CTNNA1: variants seen among roughly 807,000 people sequenced by gnomAD.
The protein encoded by CTNNA1 is catenin alpha-1.
Under a neutral mutation model 98.4 loss-of-function variants are expected in CTNNA1, and 37 were observed. The ratio of observed to expected loss-of-function variants is 0.38; its 90% confidence interval spans 0.29 to 0.49. CTNNA1 has a LOEUF of 0.49. CTNNA1 is among the 20% of genes least tolerant of loss of function. The pLI, the probability that CTNNA1 is intolerant of heterozygous loss-of-function variation, is 0.95. For missense variants in CTNNA1, 761 were observed against 1,147.2 expected, an observed-to-expected ratio of 0.66 and a Z score of 4.86; for synonymous variants, 404 against 413.2, an observed-to-expected ratio of 0.98 and a Z score of 0.27.
Position 138,833,772 on chromosome 5 carries a change from T to C in CTNNA1, c.1062+6054T>C, listed in dbSNP as rs1319504694. 2.0e-5 allele frequency among the ~76,000 whole-genome samples: 3 copies of C among 152,210 alleles called. No homozygotes were observed. In the East Asian group the frequency reaches 5.8e-4, roughly 29 times the overall value. Reference sequence around the variant, plus strand: ...ATTATAACTTGTATTCTTTTAATACTTAAAACTGTAGTTTTAGATAGAAGA... The same window carrying C: ...ATTATAACTTGTATTCTTTTAATACCTAAAACTGTAGTTTTAGATAGAAGA... On this transcript the variant is annotated intron_variant, in intron 7 of 17. Transcript: ENST00000302763.
chr5:138,902,354 G>A (rs10062552), intron 9 of CTNNA1, among the ~76,000 whole-genome samples: 48,643 of 152,146 alleles, frequency 0.32, 8,044 homozygotes, highest in African/African-American at 0.41. Flanking sequence ...CCTGGATCCA[G>A]CATTCAAGTG....
At chr5:138,893,507 C>T (rs868082871) in intron 9 of CTNNA1, among the ~76,000 whole-genome samples, 4 of 151,686 alleles carry the variant, frequency 2.6e-5, no homozygotes, top group Non-Finnish European at 4.4e-5. Flanking sequence ...TATTGGCTGC[C>T]CCCTTCCATT....
intron 7 of CTNNA1, among the ~76,000 whole-genome samples, chr5:138,861,355 C>T (rs758523930): frequency 1.3e-5 from 2 of 152,116 alleles, no homozygotes; most frequent in Non-Finnish European, 2.9e-5. Context: ...GCCACATGGG[C>T]GATCCTTACA....
At chr5:138,767,452 A>G (rs572477010) in intron 1 of CTNNA1, among the ~76,000 whole-genome samples, 3 of 152,296 alleles carry the variant, frequency 2.0e-5, no homozygotes, top group African/African-American at 7.2e-5. Flanking sequence ...TGTCCTTCAC[A>G]ACCTGAAACA....
intron 7 of CTNNA1, among the ~76,000 whole-genome samples, chr5:138,852,865 G>GCGCGCACGCGCACACACACACGCA (rs1326157274): frequency 6.6e-6 from 1 of 151,586 alleles, no homozygotes; most frequent in Non-Finnish European, 1.5e-5. Context: ...CTTTTCGCGC[G>GCGCGCACGCGCACACACACACGCA]CGCGCGCACA....
chr5:138,852,869 G>GGA (rs1763353467), intron 7 of CTNNA1, among the ~76,000 whole-genome samples: 5 of 151,372 alleles, frequency 3.3e-5, no homozygotes, highest in East Asian at 4.0e-4. Context: ...TCGCGCGCGC[G>GGA]CGCACACACA....
At chr5:138,876,853 T>C (rs1383216465) in intron 7 of CTNNA1, among the ~76,000 whole-genome samples, 1 of 152,134 alleles carries the variant, frequency 6.6e-6, no homozygotes, top group East Asian at 1.9e-4. Context: ...GCAGTGCAGG[T>C]GTGTGGTTTG....
Position 138,771,937 on chromosome 5 carries a change from T to C in CTNNA1, c.-2-9986T>C, listed in dbSNP as rs1439714491. Among the ~76,000 whole-genome samples the C allele has an allele frequency of 2.0e-5, 3 of 151,872 alleles. No individual in the cohort carries two copies. In the East Asian group the frequency reaches 5.8e-4, roughly 29 times the overall value. On this transcript the variant is annotated intron_variant, in intron 1 of 17. Coordinates refer to ENST00000302763, the MANE Select transcript of CTNNA1 (RefSeq NM_001903.5). ...GTTAACTTTGCTGTTAAAAAAAAAATTGGCATTGAGTAGCATGGTTAAGGT... is the reference window on the plus strand; with the variant it reads ...GTTAACTTTGCTGTTAAAAAAAAAACTGGCATTGAGTAGCATGGTTAAGGT...
chr5:138,800,015 G>T (rs1421735224), intron 3 of CTNNA1, among the ~76,000 whole-genome samples: 1 of 152,072 alleles, frequency 6.6e-6, no homozygotes, highest in South Asian at 2.1e-4. Flanking sequence ...TCGTGTCTCA[G>T]CCTCTCCAGT....
chr5:138,787,752 T>C (rs1177677561), intron 3 of CTNNA1, among the ~76,000 whole-genome samples: 1 of 152,248 alleles, frequency 6.6e-6, no homozygotes, highest in Non-Finnish European at 1.5e-5. Context: ...GTACACAGTT[T>C]TTGATGTGTA....
chr5:138,921,341 G>T (rs1762876757), intron 11 of CTNNA1, among the ~76,000 whole-genome samples: 7 of 152,000 alleles, frequency 4.6e-5, no homozygotes, highest in Admixed American at 4.6e-4. Context: ...AGCTCTAATT[G>T]GGTTTATTAA....
intron 11 of CTNNA1, among the ~76,000 whole-genome samples, chr5:138,922,678 T>C (rs1763161523): frequency 1.3e-5 from 2 of 152,160 alleles, no homozygotes; most frequent in African/African-American, 4.8e-5. Flanking sequence ...TCCCCCTCTG[T>C]TGAACAGTGG....
rs72788880 is a variant in CTNNA1, at chr5:138,922,181, A to T, written c.1547-2329A>T. Among the ~76,000 whole-genome samples the T allele has an allele frequency of 7.9e-3, 1,196 of 152,284 alleles. 10 individuals are homozygous for T. Among genetic ancestry groups the T allele is most frequent in the Non-Finnish European group, 0.013 (870 of 68,012 alleles). On this transcript the variant is annotated intron_variant, in intron 11 of 17. Transcript: ENST00000302763. ...CATGGTTCCTGGGGGGCAATTAGGT[A>T]CCATACTTCTACTTTAAACATATAT... is the stretch of plus-strand genomic sequence containing the variant.
chr5:138,888,724 A>G (rs959734610), intron 9 of CTNNA1, among the ~76,000 whole-genome samples: 1 of 140,774 alleles, frequency 7.1e-6, no homozygotes, highest in African/African-American at 2.6e-5. Flanking sequence ...ATTTTTTTGT[A>G]TTTTTTTTTT....
At chr5:138,914,135 T>A (rs1761253623) in intron 10 of CTNNA1, among the ~76,000 whole-genome samples, 2 of 152,218 alleles carry the variant, frequency 1.3e-5, no homozygotes, top group Admixed American at 6.5e-5. Context: ...TTAGGCAAGG[T>A]GCTTCCCCTC....
chr5:138,778,933 C>T (rs1263310757), intron 1 of CTNNA1, among the ~76,000 whole-genome samples: 2 of 152,110 alleles, frequency 1.3e-5, no homozygotes, highest in East Asian at 3.9e-4. Flanking sequence ...GGCTGGAGTG[C>T]AGTGGCATGA....
rs751967797 is a variant in CTNNA1, at chr5:138,824,651, A to G, written c.710A>G (p.Tyr237Cys). Reference sequence around the variant, plus strand: ...CTACAGCACCCTGATGTCGCAGCCTATAAGGCCAACAGGGACCTGATATAC... The same window carrying G: ...CTACAGCACCCTGATGTCGCAGCCTGTAAGGCCAACAGGGACCTGATATAC... Reference protein sequence around the residue: ...ACLQHPDVAAYKANRDLIYKQ... With the variant: ...ACLQHPDVAACKANRDLIYKQ... The change falls in exon 6 of 18, where the codon TAT (tyrosine) becomes TGT (cysteine). Residue 237 changes from tyrosine to cysteine, a missense_variant. Physicochemically the swap from Tyr to Cys is radical, Grantham distance 194. Transcript: ENST00000302763. 4.8e-5 allele frequency: 78 copies of G among 1,614,118 alleles called. No homozygotes were observed. The highest frequency in any genetic ancestry group is 2.5e-4 in the Admixed American group (15 of 60,006).
At chr5:138,852,838 T>G (rs1241244572) in intron 7 of CTNNA1, among the ~76,000 whole-genome samples, 3 of 47,628 alleles carry the variant, frequency 6.3e-5, no homozygotes, top group African/African-American at 2.0e-4. Flanking sequence ...GCCTATAGAT[T>G]CCTGCTTCCC....
intron 3 of CTNNA1, among the ~76,000 whole-genome samples, chr5:138,794,208 G>A (rs944638759): frequency 6.6e-6 from 1 of 151,984 alleles, no homozygotes; most frequent in African/African-American, 2.4e-5. Context: ...GTAGAGACAG[G>A]GTTTTGGCAT....
Sources: gnomAD v4.1 joint callset for allele counts (sites outside exome capture counted in the v4.1 genomes callset) on GRCh38, gnomAD v4.1.1 for gene constraint, MANE v1.5 for transcripts, NCBI Gene and HGNC (gene_info 2026-07-23, HGNC 2026-07-21) for gene names.